Variants in CCNB3 observed in about 807,000 individuals in gnomAD.
CCNB3 encodes the protein cyclin B3.
In CCNB3, 12 loss-of-function variants were observed where a neutral mutation model predicts 68.0. That is an observed-to-expected ratio of 0.18 (90% CI 0.11 to 0.29). The LOEUF is 0.29. Among genes scored for constraint, CCNB3 ranks in the 10% least tolerant of loss-of-function variants. The pLI is 1.00. For missense variants in CCNB3, 904 were observed against 993.1 expected (o/e 0.91, Z 1.21); for synonymous variants, 354 against 388.9 (o/e 0.91, Z 1.06).
intron 8 of CCNB3, among the ~76,000 whole-genome samples, chrX:50,330,849 A>T (rs868915980): frequency 2.0e-4 from 22 of 111,028 alleles, no homozygotes; most frequent in African/African-American, 5.2e-4. Context: ...TTTCCTATAG[A>T]CCTCTCCTTC....
chrX:50,333,135 A>G lies in CCNB3; in HGVS notation c.3517-9067A>G, dbSNP rs187468543. ...CGGAACTCTGAGGTCGGTAGGCGGC[A>G]TGTAGCTTCCAAGTGATTTCTAATG... On this transcript the variant is annotated intron_variant, in intron 8 of 12. Coordinates refer to ENST00000376042, the MANE Select transcript of CCNB3 (RefSeq NM_033031.3). Among the ~76,000 whole-genome samples, 17 of 111,789 alleles carry G rather than the reference A, an allele frequency of 1.5e-4. 1 individual carries two copies. Among genetic ancestry groups the G allele is most frequent in the Admixed American group, 8.6e-4 (9 of 10,524 alleles).
At chrX:50,302,268 C>G (rs782004059) in intron 5 of CCNB3, among the ~76,000 whole-genome samples, 1 of 111,770 alleles carries the variant, frequency 8.9e-6, no homozygotes, top group African/African-American at 3.3e-5. Flanking sequence ...ATTTGGCTAT[C>G]TTGTCTCCAC....
intron 1 of CCNB3, among the ~76,000 whole-genome samples, chrX:50,217,563 C>T (rs1360297120): frequency 1.8e-5 from 2 of 111,088 alleles, no homozygotes; most frequent in East Asian, 5.7e-4. Flanking sequence ...TGAGCCACCG[C>T]ACCCGGCCAT....
chrX:50,282,088 G>A (rs916543594), intron 1 of CCNB3, among the ~76,000 whole-genome samples: 1 of 111,737 alleles, frequency 8.9e-6, no homozygotes, highest in Admixed American at 9.5e-5. Context: ...GATTTGATAG[G>A]TCTAGTTTGG....
chrX:50,321,624 G>A (rs1190300171), intron 8 of CCNB3, among the ~76,000 whole-genome samples: 4 of 110,960 alleles, frequency 3.6e-5, no homozygotes, highest in African/African-American at 1.3e-4. Context: ...TCTAACATCA[G>A]TAGTATACTG....
At chrX:50,300,506 G>T (rs1557212324) in intron 5 of CCNB3, among the ~76,000 whole-genome samples, 1 of 111,973 alleles carries the variant, frequency 8.9e-6, no homozygotes, top group African/African-American at 3.2e-5. Context: ...GAGATCTGCT[G>T]TAAGTCTGAT....
At chrX:50,321,225 T>C (rs1299268149) in intron 8 of CCNB3, among the ~76,000 whole-genome samples, 1 of 111,732 alleles carries the variant, frequency 8.9e-6, no homozygotes, top group African/African-American at 3.2e-5. Context: ...CCCATAATCT[T>C]ATCAACAAAA....
chrX:50,279,301 A>T (rs1207044784), intron 1 of CCNB3, among the ~76,000 whole-genome samples: 1 of 72,637 alleles, frequency 1.4e-5, no homozygotes, highest in Non-Finnish European at 2.3e-5. Flanking sequence ...AATATATATG[A>T]ATATTTATAT....
intron 5 of CCNB3, among the ~76,000 whole-genome samples, chrX:50,303,911 C>T (rs1291910114): frequency 9.0e-6 from 1 of 111,028 alleles, no homozygotes; most frequent in Non-Finnish European, 1.9e-5. Context: ...CTGCCAAATC[C>T]CAGGTTAAGA....
intron 9 of CCNB3, among the ~76,000 whole-genome samples, chrX:50,343,657 G>A (rs993099166): frequency 5.7e-4 from 64 of 111,829 alleles, no homozygotes; most frequent in Non-Finnish European, 1.1e-3. Context: ...AGTGAGCTTT[G>A]TTCAAGCCAC....
intron 1 of CCNB3, among the ~76,000 whole-genome samples, chrX:50,227,931 AAT>A (rs1206764109): frequency 1.2e-5 from 1 of 81,250 alleles, no homozygotes; most frequent in Non-Finnish European, 2.2e-5. Context: ...GTATAGACAG[AAT>A]ATATATAAAT....
chrX:50,324,246 A>G (rs1922184814), intron 8 of CCNB3, among the ~76,000 whole-genome samples: 2 of 111,479 alleles, frequency 1.8e-5, no homozygotes, highest in Admixed American at 9.5e-5. Flanking sequence ...GGGTTTCACC[A>G]TGTTGGCCAG....
chrX:50,309,345 G>A lies in CCNB3; in HGVS notation c.1176G>A (p.Glu392=), dbSNP rs199624438. ...PVILKEQCMT[E]GKRSRLKPLV... is the part of the protein sequence containing the mutation. ...TATTGAAGGAGCAGTGCATGACTGAGGGGAAGAGGTCCCGTCTGAAGCCAT... is the reference window on the plus strand; with the variant it reads ...TATTGAAGGAGCAGTGCATGACTGAAGGGAAGAGGTCCCGTCTGAAGCCAT... Residue 392 remains glutamate, a synonymous_variant, in exon 6 of 13, where the codon GAG becomes GAA. Transcript: ENST00000376042. The A allele has an allele frequency of 1.7e-6, 2 of 1,211,209 alleles. No individual in the cohort carries two copies. The highest frequency in any genetic ancestry group is 2.2e-6 in the Non-Finnish European group (2 of 895,012).
chrX:50,286,613 GTTT>G (rs369525241), intron 3 of CCNB3, among the ~76,000 whole-genome samples: 2 of 75,357 alleles, frequency 2.7e-5, no homozygotes, highest in African/African-American at 1.0e-4. Flanking sequence ...CCTCAGTTCG[GTTT>G]TTTTTTTTTT....
At chrX:50,211,693 G>C (rs1398503033) in intron 1 of CCNB3, among the ~76,000 whole-genome samples, 3 of 111,127 alleles carry the variant, frequency 2.7e-5, no homozygotes, top group African/African-American at 3.3e-5. Context: ...TGATGAATCG[G>C]GGTAATGACT....
Position 50,334,339 on chromosome X carries a change from C to T in CCNB3, c.3517-7863C>T, listed in dbSNP as rs782592782. ...CAGGGTGGCGGGATTTAGGGTGTTA[C>T]AGACTTCAGTGGTTATGTGGGGATT... is the stretch of plus-strand genomic sequence containing the variant. On this transcript the variant is annotated intron_variant, in intron 8 of 12. Transcript: ENST00000376042. Among the ~76,000 whole-genome samples, 193 of 112,844 alleles carry T rather than the reference C, an allele frequency of 1.7e-3. 1 individual carries two copies. Among genetic ancestry groups the T allele is most frequent in the African/African-American group, 5.9e-3 (185 of 31,128 alleles).
At chrX:50,227,750 GAGAGAATATATATAAATATATAT>G (rs1436731986) in intron 1 of CCNB3, among the ~76,000 whole-genome samples, 45 of 52,830 alleles carry the variant, frequency 8.5e-4, no homozygotes, top group African/African-American at 1.1e-3. Context: ...AATATGTATA[GAGAGAATATATATAAATATATAT>G]AGAGAATATA....
chrX:50,338,362 G>A (rs1485005923), intron 8 of CCNB3, among the ~76,000 whole-genome samples: 6 of 111,887 alleles, frequency 5.4e-5, no homozygotes, highest in Admixed American at 2.8e-4. Flanking sequence ...TCCAAAAACC[G>A]AGCTCCCTGA....
Position 50,336,835 on chromosome X carries a change from G to A in CCNB3, c.3517-5367G>A, listed in dbSNP as rs782347006. 6.3e-5 allele frequency among the ~76,000 whole-genome samples: 7 copies of A among 111,175 alleles called. No homozygotes were observed. The South Asian group carries it at 2.3e-3, about 37-fold the overall frequency. On this transcript the variant is annotated intron_variant, in intron 8 of 12. Coordinates refer to ENST00000376042, the MANE Select transcript of CCNB3 (RefSeq NM_033031.3). Reference sequence around the variant, plus strand: ...GAGGGTTTTGGTAATTGGCTAGGACGTGCTCCTCTAGCCACTTAGTTGCCG... The same window carrying A: ...GAGGGTTTTGGTAATTGGCTAGGACATGCTCCTCTAGCCACTTAGTTGCCG...
Sources: allele counts gnomAD v4.1 joint callset (sites outside exome capture counted in the v4.1 genomes callset), GRCh38; gene constraint gnomAD v4.1.1; transcripts MANE v1.5; gene names NCBI Gene and HGNC (gene_info 2026-07-23, HGNC 2026-07-21).